Variants in PLSCR2 observed in about 807,000 individuals in gnomAD.
PLSCR2 encodes phospholipid scramblase 2, also known as PL scramblase 2.
A neutral mutation model predicts 25.3 loss-of-function variants in PLSCR2; 18 were observed. That is an observed-to-expected ratio of 0.71 (90% confidence interval 0.49 to 1.06). The LOEUF is 1.06. PLSCR2 is among the 50% of genes least tolerant of loss of function. The probability of loss-of-function intolerance (pLI) is 0.00; values close to 1 mark genes in which losing one functional copy is unlikely to be tolerated. For missense variants in PLSCR2, 243 were observed against 269.5 expected, an observed-to-expected ratio of 0.90 and a Z score of 0.69; for synonymous variants, 88 against 87.3, an observed-to-expected ratio of 1.01 and a Z score of -0.04.
chr3:146,411,208 G>A (rs2038836994), intron 2 of PLSCR2, among the ~76,000 whole-genome samples: 1 of 152,120 alleles, frequency 6.6e-6, no homozygotes, highest in Admixed American at 6.5e-5. Flanking sequence ...GTTCTGGGAC[G>A]TGAACTAAAT....
intron 3 of PLSCR2, 33 bp from the exon 4 acceptor site, chr3:146,455,492 G>T: frequency 1.5e-6 from 2 of 1,292,182 alleles, no homozygotes; most frequent in Non-Finnish European, 2.2e-6. Context: ...TTGCCTTTAC[G>T]TTAAAATGAT....
At chr3:146,424,001 G>A (rs993059995) in intron 2 of PLSCR2, among the ~76,000 whole-genome samples, 1 of 152,076 alleles carries the variant, frequency 6.6e-6, no homozygotes, top group Non-Finnish European at 1.5e-5. Context: ...AGATCTGGAT[G>A]TTGGAAGTTC....
chr3:146,411,270 G>T lies in PLSCR2; in HGVS notation c.101-15349C>A, dbSNP rs2038839373. Reference sequence around the variant, plus strand: ...TTCCCACCCAAACCAAAACACAAAGGCACCTACCAGAAAACCAAGGCTCAA... The same window carrying T: ...TTCCCACCCAAACCAAAACACAAAGTCACCTACCAGAAAACCAAGGCTCAA... On this transcript the variant is annotated intron_variant and NMD_transcript_variant, in intron 2 of 3. Transcript: ENST00000463633. Among the ~76,000 whole-genome samples, 4 of 152,020 alleles carry T rather than the reference G, an allele frequency of 2.6e-5. No individual in the cohort carries two copies. In the South Asian group the frequency reaches 8.3e-4, roughly 32 times the overall value.
At chr3:146,458,098 T>C (rs2041325936) in intron 3 of PLSCR2, among the ~76,000 whole-genome samples, 3 of 152,116 alleles carry the variant, frequency 2.0e-5, no homozygotes, top group South Asian at 4.1e-4. Flanking sequence ...GCTTAGGAAA[T>C]AGTGACAAGG....
At chr3:146,484,919 T>C (rs1169922234) in intron 1 of PLSCR2, among the ~76,000 whole-genome samples, 2 of 151,904 alleles carry the variant, frequency 1.3e-5, no homozygotes, top group African/African-American at 4.8e-5. Context: ...GATAACAGGA[T>C]CAAATTCACA....
At chr3:146,444,247 T>A (rs564517202) in intron 6 of PLSCR2, among the ~76,000 whole-genome samples, 1 of 152,190 alleles carries the variant, frequency 6.6e-6, no homozygotes, top group South Asian at 2.1e-4. Flanking sequence ...AAACGTTGGA[T>A]TAACTGTTCT....
downstream of PLSCR2, among the ~76,000 whole-genome samples, chr3:146,438,009 T>C (rs1027640757): frequency 1.3e-5 from 2 of 152,204 alleles, no homozygotes; most frequent in African/African-American, 4.8e-5. Flanking sequence ...ACATCTTTAT[T>C]TCTGCCTTCA....
chr3:146,421,667 T>G (rs2039159256), intron 2 of PLSCR2, among the ~76,000 whole-genome samples: 1 of 152,046 alleles, frequency 6.6e-6, no homozygotes, highest in Non-Finnish European at 1.5e-5. Flanking sequence ...ACCACAACAA[T>G]AAACATTCCA....
intron 1 of PLSCR2, among the ~76,000 whole-genome samples, chr3:146,495,556 G>T (rs942732090): frequency 2.0e-5 from 3 of 151,766 alleles, no homozygotes; most frequent in African/African-American, 7.3e-5. Flanking sequence ...TATAGAAATA[G>T]ACCCCAGAAA....
At chr3:146,417,415 A>G (rs1475836144) in intron 2 of PLSCR2, among the ~76,000 whole-genome samples, 2 of 150,540 alleles carry the variant, frequency 1.3e-5, no homozygotes, top group African/African-American at 4.9e-5. Flanking sequence ...ACATACTTTG[A>G]AAAATGTTTA....
At position 146,402,190 on chromosome 3, in the gene PLSCR2, T is replaced by A. The variant is rs374064458; in HGVS notation, c.101-6269A>T. 3.3e-4 allele frequency among the ~76,000 whole-genome samples: 50 copies of A among 152,236 alleles called. 1 individual carries two copies. The East Asian group carries it at 6.6e-3, about 20-fold the overall frequency. ...GAAAGTGTCCAATAAGAGGCAATAC[T>A]TATTATCCCCTATTGAGGATTACTA... On this transcript the variant is annotated intron_variant and NMD_transcript_variant, in intron 2 of 3. Transcript: ENST00000463633.
intron 1 of PLSCR2, among the ~76,000 whole-genome samples, chr3:146,486,824 C>T (rs75796661): frequency 3.3e-5 from 5 of 152,150 alleles, no homozygotes; most frequent in Non-Finnish European, 5.9e-5. Context: ...TAGGAGGCAG[C>T]GTAACCCTGA....
chr3:146,451,107 CTTTTTTTTTTT>C (rs58373001), intron 5 of PLSCR2, among the ~76,000 whole-genome samples: 2 of 79,480 alleles, frequency 2.5e-5, no homozygotes, highest in African/African-American at 9.5e-5. Flanking sequence ...ATTAAGTTTT[CTTTTTTTTTTT>C]TTTTTTTTTT....
At chr3:146,466,009 G>T (rs901999605) in intron 1 of PLSCR2, among the ~76,000 whole-genome samples, 1 of 152,170 alleles carries the variant, frequency 6.6e-6, no homozygotes, top group Non-Finnish European at 1.5e-5. Flanking sequence ...ATATCTGTGA[G>T]GTATGAGATT....
intron 6 of PLSCR2, among the ~76,000 whole-genome samples, chr3:146,443,774 C>T (rs962202622): frequency 1.3e-5 from 2 of 151,536 alleles, no homozygotes; most frequent in Admixed American, 1.3e-4. Flanking sequence ...TTGCTCTGAA[C>T]TTTATTATTT....
chr3:146,495,627 T>A (rs2043719238), intron 1 of PLSCR2, among the ~76,000 whole-genome samples: 2 of 152,134 alleles, frequency 1.3e-5, no homozygotes, highest in East Asian at 3.9e-4. Context: ...TGTGAGGAAG[T>A]GAACCCTCAT....
chr3:146,475,728 A>T (rs1420065220), intron 1 of PLSCR2, among the ~76,000 whole-genome samples: 1 of 152,292 alleles, frequency 6.6e-6, no homozygotes, highest in Non-Finnish European at 1.5e-5. Flanking sequence ...CTTTTCCAAA[A>T]GGTCCTTTTT....
chr3:146,422,678 C>G (rs2039191074), intron 2 of PLSCR2, among the ~76,000 whole-genome samples: 1 of 152,100 alleles, frequency 6.6e-6, no homozygotes. Flanking sequence ...AAGACAGATT[C>G]TTAGTGAGCA....
downstream of PLSCR2, among the ~76,000 whole-genome samples, chr3:146,431,977 CTGA>C (rs2039563815): frequency 6.6e-6 from 1 of 151,694 alleles, no homozygotes; most frequent in Non-Finnish European, 1.5e-5. Flanking sequence ...TATCCCATTA[CTGA>C]TGATGTTTAT....
Sources: gnomAD v4.1 joint callset for allele counts (sites outside exome capture counted in the v4.1 genomes callset) on GRCh38, gnomAD v4.1.1 for gene constraint, MANE v1.5 for transcripts, NCBI Gene and HGNC (gene_info 2026-07-23, HGNC 2026-07-21) for gene names.